Variants in CDNF observed in about 807,000 individuals in gnomAD.
CDNF encodes the protein cerebral dopamine neurotrophic factor.
In CDNF, 9 loss-of-function variants were observed where a neutral mutation model predicts 14.8. The observed-to-expected ratio is 0.61, with a 90% confidence interval of 0.37 to 1.06. The LOEUF (loss-of-function observed/expected upper bound fraction) is 1.06. Among genes scored for constraint, CDNF ranks in the 50% least tolerant of loss-of-function variants. The pLI, the probability that CDNF is intolerant of heterozygous loss-of-function variation, is 0.01. For missense variants in CDNF, 228 were observed against 228.4 expected, an observed-to-expected ratio of 1.00 and a Z score of 0.01; for synonymous variants, 86 against 87.2, an observed-to-expected ratio of 0.99 and a Z score of 0.07.
chr10:14,823,991 C>G lies in CDNF; in HGVS notation c.385+1488G>C, dbSNP rs531431504. 2.4e-4 allele frequency among the ~76,000 whole-genome samples: 37 copies of G among 152,272 alleles called. No individual in the cohort carries two copies. In the South Asian group the frequency reaches 6.4e-3, roughly 26 times the overall value. ...GTCTGTGGTAACTTTCAACCTTAAA[C>G]CTACTTAAAGCTAGCTATGTGGCTA... is the stretch of plus-strand genomic sequence containing the variant. On this transcript the variant is annotated intron_variant, in intron 3 of 3. Transcript: ENST00000465530.
Position 14,837,900 on chromosome 10 carries a change from A to T in CDNF, c.47T>A (p.Leu16His). Residue 16 changes from leucine to histidine, a missense_variant, in exon 1 of 4, where the codon CTT (leucine) becomes CAT (histidine). Transcript: ENST00000465530. ...CGTCAGCACCGGGTGAGAGACCAAA[A>T]GCCCGGCGCAAAAGGCCACCACAGC... ...PVAVVAFCAG[L>H]LVSHPVLTQG... 1 of 1,607,458 alleles carries T rather than the reference A, an allele frequency of 6.2e-7. No individual in the cohort carries two copies.
intron 2 of CDNF, among the ~76,000 whole-genome samples, 195 bp from the exon 3 acceptor site, chr10:14,825,815 A>G (rs547992581): frequency 9.9e-4 from 151 of 152,072 alleles, no homozygotes; most frequent in African/African-American, 3.3e-3. Flanking sequence ...CCTGGTCAAC[A>G]TGGTGAAACC....
chr10:14,826,810 A>G (rs1317492122), intron 2 of CDNF, among the ~76,000 whole-genome samples: 6 of 152,210 alleles, frequency 3.9e-5, no homozygotes, highest in Non-Finnish European at 2.9e-5. Flanking sequence ...CAGATCTAGC[A>G]ATAGAAGAGA....
rs768658412 is a variant in CDNF, at chr10:14,819,809, GTAT to G, written c.*168_*170del. On this transcript the variant is annotated 3_prime_UTR_variant, in exon 4 of 4. Transcript: ENST00000465530. ...ACACTGCAAATGTAAGTTATCAGTA[GTAT>G]TAGTTTCACTCATAAACCCACGTAA... The G allele has an allele frequency of 2.2e-4, 137 of 632,658 alleles. No individual in the cohort carries two copies. The highest frequency in any genetic ancestry group is 4.6e-4 in the Middle Eastern group (1 of 2,180). The allele number at this position is 632,658 out of a possible 1,614,324, so 39.2% of individuals were successfully genotyped here.
chr10:14,820,664 T>C (rs1833730654), intron 3 of CDNF, among the ~76,000 whole-genome samples: 1 of 151,652 alleles, frequency 6.6e-6, no homozygotes, highest in South Asian at 2.1e-4. Context: ...ACTTGGGAGA[T>C]GGAGGTTGCA....
intron 1 of CDNF, among the ~76,000 whole-genome samples, chr10:14,832,852 C>CTTTTTTTTTTTTT (rs918887413): frequency 2.0e-3 from 157 of 80,466 alleles, no homozygotes; most frequent in Non-Finnish European, 2.5e-3. Context: ...TCTTTTTTTG[C>CTTTTTTTTTTTTT]TTTTTTTTTT....
At chr10:14,820,260 T>TA in intron 3 of CDNF, 102 bp from the exon 4 acceptor site, 1 of 1,121,010 alleles carries the variant, frequency 8.9e-7, no homozygotes, top group Non-Finnish European at 1.3e-6. Context: ...TGGTGCTGAC[T>TA]ACCCTATGAT....
intron 2 of CDNF, among the ~76,000 whole-genome samples, chr10:14,827,052 CAAAA>C (rs34308438): frequency 1.3e-5 from 1 of 74,676 alleles, no homozygotes; most frequent in African/African-American, 4.9e-5. Flanking sequence ...CCCGTCTCTA[CAAAA>C]AAAAAAAAAA....
intron 3 of CDNF, among the ~76,000 whole-genome samples, chr10:14,824,605 CAAAAAA>C (rs572648812): frequency 0.14 from 8,815 of 64,544 alleles, 398 homozygotes; most frequent in South Asian, 0.35. Context: ...GACTTCCCCT[CAAAAAA>C]AAAAAAAAAA....
Position 14,820,233 on chromosome 10 carries a change from A to T in CDNF, c.386-75T>A, listed in dbSNP as rs1303128089. 6 of 1,457,170 alleles carry T rather than the reference A, an allele frequency of 4.1e-6. No individual in the cohort carries two copies. The Admixed American group carries it at 7.8e-5, about 19-fold the overall frequency. 90.3% of individuals were successfully genotyped at this position (1,457,170 alleles called of 1,614,324 possible). Reference sequence around the variant, plus strand: ...ATCCCTATGAATCACTTCAAAAGGCATATAGTTTGCTTATCTTGGTGCTGA... The same window carrying T: ...ATCCCTATGAATCACTTCAAAAGGCTTATAGTTTGCTTATCTTGGTGCTGA... On this transcript the variant is annotated intron_variant, in intron 3 of 3. Coordinates refer to ENST00000465530, the MANE Select transcript of CDNF (RefSeq NM_001029954.3).
intron 2 of CDNF, among the ~76,000 whole-genome samples, chr10:14,826,046 G>A (rs565965565): frequency 1.6e-5 from 2 of 121,264 alleles, no homozygotes; most frequent in Non-Finnish European, 3.3e-5. Flanking sequence ...AGAAGAAGAA[G>A]AAGAAGAAGA....
intron 2 of CDNF, 124 bp downstream of exon 2, chr10:14,828,021 C>T (rs752847557): frequency 4.4e-5 from 37 of 838,440 alleles, no homozygotes; most frequent in East Asian, 2.4e-4. Context: ...CTGCTTGCTG[C>T]GTGCTCTAAA....
chr10:14,826,170 AAGCAGC>A (rs1313211954), intron 2 of CDNF, among the ~76,000 whole-genome samples: 3 of 147,178 alleles, frequency 2.0e-5, no homozygotes, highest in Non-Finnish European at 4.4e-5. Flanking sequence ...GAAGAAGCAG[AAGCAGC>A]AGCAGAAGCA....
chr10:14,831,584 T>TATA (rs1399214964), intron 1 of CDNF, among the ~76,000 whole-genome samples: 119 of 148,962 alleles, frequency 8.0e-4, no homozygotes, highest in African/African-American at 2.0e-3. Flanking sequence ...ATATATATAT[T>TATA]TTTTTTCAAG....
chr10:14,819,384 A>G lies in CDNF; in HGVS notation c.*596T>C, dbSNP rs1833716841. On this transcript the variant is annotated 3_prime_UTR_variant, in exon 4 of 4. Transcript: ENST00000465530. ...ATGTAAATGTTGATATAATTGCCAAACATTGGCTATACTTATACGGTTTCT... is the reference window on the plus strand; with the variant it reads ...ATGTAAATGTTGATATAATTGCCAAGCATTGGCTATACTTATACGGTTTCT... 1 of 152,240 alleles carries G rather than the reference A, an allele frequency of 6.6e-6. No homozygotes were observed. The highest frequency in any genetic ancestry group is 6.5e-5 in the Admixed American group (1 of 15,284). 9.4% of individuals were successfully genotyped at this position (152,240 alleles called of 1,614,324 possible).
intron 1 of CDNF, among the ~76,000 whole-genome samples, chr10:14,831,318 GACTCCCACTTCC>G (rs928667771): frequency 6.6e-6 from 1 of 151,834 alleles, no homozygotes; most frequent in African/African-American, 2.4e-5. Context: ...CAACCCCCTG[GACTCCCACTTCC>G]ACTCTGTGGT....
chr10:14,826,048 A>AGAG (rs1564313332), intron 2 of CDNF, among the ~76,000 whole-genome samples: 1 of 124,636 alleles, frequency 8.0e-6, no homozygotes, highest in Non-Finnish European at 1.6e-5. Flanking sequence ...AAGAAGAAGA[A>AGAG]GAAGAAGAAG....
chr10:14,835,041 T>C (rs1365281395), intron 1 of CDNF, among the ~76,000 whole-genome samples: 1 of 152,076 alleles, frequency 6.6e-6, no homozygotes, highest in African/African-American at 2.4e-5. Context: ...GACCAGGTAG[T>C]TGTCCCATGC....
intron 2 of CDNF, among the ~76,000 whole-genome samples, chr10:14,826,099 AGCAGC>A (rs1564313455): frequency 0.017 from 1,778 of 106,810 alleles, 43 homozygotes; most frequent in African/African-American, 0.039. Flanking sequence ...AAGAAGAAGC[AGCAGC>A]AGCAGCAGCA....
Sources: allele counts gnomAD v4.1 joint callset (sites outside exome capture counted in the v4.1 genomes callset), GRCh38; gene constraint gnomAD v4.1.1; transcripts MANE v1.5; gene names NCBI Gene and HGNC (gene_info 2026-07-23, HGNC 2026-07-21).